The following TMEM273 variants were observed in gnomAD, a reference collection of about 807,000 sequenced individuals.
TMEM273 encodes chromosome 10 open reading frame 128.
TMEM273 carries 19 observed loss-of-function variants against 17.9 expected under a neutral mutation model. The observed-to-expected ratio is 1.06, with a 90% CI of 0.74 to 1.55. The LOEUF is 1.55. Ranked by LOEUF, TMEM273 falls within the 40% of genes most tolerant of loss-of-function variation. The pLI, the probability that TMEM273 is intolerant of heterozygous loss-of-function variation, is 0.00. For missense variants in TMEM273, 194 were observed against 155.6 expected (o/e 1.25, Z -1.31); for synonymous variants, 66 against 62.0 (o/e 1.07, Z -0.31).
At position 49,155,600 on chromosome 10, in the gene TMEM273, G is replaced by A; in HGVS notation, c.*292C>T. On this transcript the variant is annotated 3_prime_UTR_variant, in exon 7 of 7. Transcript: ENST00000374153. ...GGACACCATGGCCTCATGGAAGCAT[G>A]AACAGCTCCAACACAGGGTGAAGCT... The A allele has an allele frequency of 1.9e-6, 1 of 523,266 alleles. No homozygotes were observed. Among genetic ancestry groups the A allele is most frequent in the Non-Finnish European group, 3.4e-6 (1 of 291,922 alleles). The allele number at this position is 523,266 out of a possible 1,614,324, so 32.4% of individuals were successfully genotyped here.
chr10:49,184,266 T>A (rs1386572784), intron 1 of TMEM273, among the ~76,000 whole-genome samples: 1 of 151,976 alleles, frequency 6.6e-6, no homozygotes, highest in Non-Finnish European at 1.5e-5. Context: ...AAATGCTTCT[T>A]AACACAGAAA....
At chr10:49,168,984 A>T (rs537713133) in intron 1 of TMEM273, among the ~76,000 whole-genome samples, 12 of 149,770 alleles carry the variant, frequency 8.0e-5, no homozygotes, top group Admixed American at 3.3e-4. Flanking sequence ...TATTATTGCC[A>T]TTCGCAAAAT....
At chr10:49,176,901 C>T (rs1412541744) in intron 1 of TMEM273, among the ~76,000 whole-genome samples, 1 of 152,252 alleles carries the variant, frequency 6.6e-6, no homozygotes, top group Admixed American at 6.5e-5. Flanking sequence ...GCAGAGCCTA[C>T]AGCATGCCAC....
Position 49,155,817 on chromosome 10 carries a change from A to G in TMEM273, c.*75T>C, listed in dbSNP as rs967531518. On this transcript the variant is annotated 3_prime_UTR_variant, in exon 7 of 7. Coordinates refer to ENST00000374153, the MANE Select transcript of TMEM273 (RefSeq NM_001288740.3). Reference sequence around the variant, plus strand: ...CCAGCCTTGGGTGTTTGAATGCAGAACATCCTGAGATGTTAACCATGGGCT... The same window carrying G: ...CCAGCCTTGGGTGTTTGAATGCAGAGCATCCTGAGATGTTAACCATGGGCT... 176 of 1,611,640 alleles carry G rather than the reference A, an allele frequency of 1.1e-4. 1 individual carries two copies. The highest frequency in any genetic ancestry group is 1.3e-4 in the Admixed American group (8 of 59,804).
intron 1 of TMEM273, among the ~76,000 whole-genome samples, chr10:49,175,582 C>A (rs948464294): frequency 6.6e-6 from 1 of 152,238 alleles, no homozygotes; most frequent in Non-Finnish European, 1.5e-5. Flanking sequence ...TAAAGATTCA[C>A]ACAGTGGGAT....
intron 5 of TMEM273, among the ~76,000 whole-genome samples, chr10:49,164,132 G>A (rs1487395801): frequency 6.6e-6 from 1 of 152,070 alleles, no homozygotes; most frequent in Non-Finnish European, 1.5e-5. Context: ...CCTCTACATG[G>A]AAGTGTCCAG....
chr10:49,168,063 C>A, intron 1 of TMEM273, 101 bp from the exon 2 acceptor site: 1 of 1,404,380 alleles, frequency 7.1e-7, no homozygotes. Context: ...ATGTACCCAC[C>A]AGGAGCACAG....
chr10:49,172,227 G>C (rs1173943376), intron 1 of TMEM273, among the ~76,000 whole-genome samples: 2 of 152,146 alleles, frequency 1.3e-5, no homozygotes, highest in Admixed American at 6.5e-5. Context: ...AGCCTATAGG[G>C]TGTTCCAGGG....
At chr10:49,180,272 G>A (rs960724526) in intron 1 of TMEM273, among the ~76,000 whole-genome samples, 2 of 152,196 alleles carry the variant, frequency 1.3e-5, no homozygotes, top group African/African-American at 2.4e-5. Context: ...CCAGCAGGGT[G>A]CTGTCTGCAA....
intron 1 of TMEM273, among the ~76,000 whole-genome samples, chr10:49,187,616 G>T (rs1001436520): frequency 1.3e-5 from 2 of 151,960 alleles, no homozygotes; most frequent in African/African-American, 2.4e-5. Flanking sequence ...ATCTCTCTAT[G>T]TCTCTGTCTG....
In TMEM273 at chr10:49,155,798, TTGGG is replaced by T. The variant is rs1333081656; in HGVS notation, c.*90_*93del. On this transcript the variant is annotated 3_prime_UTR_variant, in exon 7 of 7. Coordinates refer to ENST00000374153, the MANE Select transcript of TMEM273 (RefSeq NM_001288740.3). The stretch of plus-strand genomic sequence containing the variant: ...TCCATGTGAAAGTTCATTACCAGCC[TTGGG>T]TGTTTGAATGCAGAACATCCTGAGA... The T allele has an allele frequency of 1.9e-6, 3 of 1,588,880 alleles. No homozygotes were observed. The African/African-American group carries it at 4.0e-5, about 21-fold the overall frequency.
chr10:49,176,175 A>T (rs533014299), intron 1 of TMEM273, among the ~76,000 whole-genome samples: 1 of 152,304 alleles, frequency 6.6e-6, no homozygotes, highest in African/African-American at 2.4e-5. Flanking sequence ...AGGTGCAGGC[A>T]GCAGCTGCCC....
At chr10:49,185,407 T>A (rs1847601838) in intron 1 of TMEM273, among the ~76,000 whole-genome samples, 1 of 151,842 alleles carries the variant, frequency 6.6e-6, no homozygotes, top group Non-Finnish European at 1.5e-5. Context: ...AGCCCCCAAG[T>A]CCCCTGAGGT....
At chr10:49,164,502 C>A (rs1037066200) in intron 5 of TMEM273, among the ~76,000 whole-genome samples, 2 of 152,170 alleles carry the variant, frequency 1.3e-5, no homozygotes, top group Admixed American at 6.5e-5. Flanking sequence ...CTGCTTAGAA[C>A]CCATCTGTAG....
chr10:49,185,510 C>A (rs935503261), intron 1 of TMEM273, among the ~76,000 whole-genome samples: 1 of 152,094 alleles, frequency 6.6e-6, no homozygotes, highest in Non-Finnish European at 1.5e-5. Flanking sequence ...GCTCTAGGCC[C>A]CTTTCTCCAG....
chr10:49,188,232 TC>T, intron 1 of TMEM273, 61 bp downstream of exon 1: 1 of 1,583,080 alleles, frequency 6.3e-7, no homozygotes, highest in Non-Finnish European at 8.7e-7. Context: ...GGGCTAAGGC[TC>T]CCCCAGTTTC....
In TMEM273 at chr10:49,154,926, T is replaced by G. The variant is rs1845429723; in HGVS notation, c.*966A>C. On this transcript the variant is annotated 3_prime_UTR_variant, in exon 7 of 7. Coordinates refer to ENST00000374153, the MANE Select transcript of TMEM273 (RefSeq NM_001288740.3). ...TTTGTTCTGAAATATAGCTCATCTT[T>G]CATCACACACAAGGAGGGTAGCCCA... 1 of 152,232 alleles carries G rather than the reference T, an allele frequency of 6.6e-6. No homozygotes were observed. Among genetic ancestry groups the G allele is most frequent in the Non-Finnish European group, 1.5e-5 (1 of 68,034 alleles). 9.4% of individuals were successfully genotyped at this position (152,232 alleles called of 1,614,324 possible). A position where few individuals can be genotyped will look rare whatever the true frequency, so the allele number is the denominator to read the frequency against.
rs774255386 is a variant in TMEM273, at chr10:49,167,904, C to G, written c.97+5G>C. ...GTGCACAGAATAACATGGGCAGCCA[C>G]GTACCAATTTCAGCCCCAGGGGTCT... On this transcript the variant is annotated splice_donor_5th_base_variant and intron_variant, in intron 2 of 6. Transcript: ENST00000374153. 1.2e-6 allele frequency: 2 copies of G among 1,613,988 alleles called. No individual in the cohort carries two copies. The highest frequency in any genetic ancestry group is 2.2e-5 in the South Asian group (2 of 91,074).
chr10:49,165,061 C>A, intron 5 of TMEM273, 144 bp downstream of exon 5: 7 of 1,205,250 alleles, frequency 5.8e-6, no homozygotes, highest in Non-Finnish European at 7.8e-6. Flanking sequence ...CCTACCCGCC[C>A]GGAGCTTACA....
Sources: gnomAD v4.1 joint callset for allele counts (sites outside exome capture counted in the v4.1 genomes callset) on GRCh38, gnomAD v4.1.1 for gene constraint, MANE v1.5 for transcripts, NCBI Gene and HGNC (gene_info 2026-07-23, HGNC 2026-07-21) for gene names.